Variants in LRMDA observed in about 807,000 individuals in gnomAD.
LRMDA encodes leucine rich melanocyte differentiation associated.
A neutral mutation model predicts 29.8 loss-of-function variants in LRMDA; 18 were observed. That is an observed-to-expected ratio of 0.60 (90% confidence interval 0.42 to 0.90). The LOEUF (loss-of-function observed/expected upper bound fraction) is 0.90. LRMDA is among the 40% of genes least tolerant of loss of function. The pLI is 0.00. For synonymous variants in LRMDA, 125 were observed against 109.4 expected, an observed-to-expected ratio of 1.14 and a Z score of -0.89; for missense variants, 273 against 273.9, an observed-to-expected ratio of 1.00 and a Z score of 0.02.
At chr10:75,737,486 T>C (rs1842780089) in intron 2 of LRMDA, among the ~76,000 whole-genome samples, 1 of 152,202 alleles carries the variant, frequency 6.6e-6, no homozygotes, top group African/African-American at 2.4e-5. Context: ...TGCAGTACCA[T>C]CATCTGGGTT....
chr10:76,160,419 T>C (rs1850624257), intron 5 of LRMDA, among the ~76,000 whole-genome samples: 1 of 152,038 alleles, frequency 6.6e-6, no homozygotes, highest in African/African-American at 2.4e-5. Context: ...TTTTTAGGTA[T>C]GACAATTGTG....
At chr10:75,853,844 A>G (rs1246378335) in intron 2 of LRMDA, among the ~76,000 whole-genome samples, 3 of 152,018 alleles carry the variant, frequency 2.0e-5, no homozygotes, top group Middle Eastern at 3.4e-3. Context: ...GGCCTCCCCA[A>G]CTCTTATTAG....
At chr10:76,172,251 G>A (rs1850852924) in intron 5 of LRMDA, among the ~76,000 whole-genome samples, 1 of 152,126 alleles carries the variant, frequency 6.6e-6, no homozygotes, top group Non-Finnish European at 1.5e-5. Context: ...TTCAACATGA[G>A]TTTTGTCAGG....
intron 3 of LRMDA, among the ~76,000 whole-genome samples, chr10:76,043,718 C>G (rs745603498): frequency 6.6e-6 from 1 of 152,076 alleles, no homozygotes; most frequent in South Asian, 2.1e-4. Context: ...CCTACTTCCC[C>G]GAACATGGTG....
intron 2 of LRMDA, among the ~76,000 whole-genome samples, chr10:75,475,358 G>A (rs192793330): frequency 1.6e-4 from 24 of 152,002 alleles, no homozygotes; most frequent in Admixed American, 5.9e-4. Flanking sequence ...GAGGACCCAG[G>A]AGCCTGGGTG....
At position 76,527,933 on chromosome 10, in the gene LRMDA, C is replaced by G. The variant is rs186927666; in HGVS notation, c.602-29276C>G. On this transcript the variant is annotated intron_variant, in intron 6 of 6. Coordinates refer to ENST00000611255, the MANE Select transcript of LRMDA (RefSeq NM_001305581.2). ...TGGAGATACAAAAATGCATAAAACA[C>G]AGTGAGAAACATGTGGTAATGAACA... Among the ~76,000 whole-genome samples the G allele has an allele frequency of 7.8e-4, 119 of 152,182 alleles. 2 individuals carry two copies. In the East Asian group the frequency reaches 0.02, roughly 26 times the overall value.
chr10:75,636,783 G>A (rs1032714528), intron 2 of LRMDA, among the ~76,000 whole-genome samples: 4 of 152,012 alleles, frequency 2.6e-5, no homozygotes, highest in African/African-American at 7.2e-5. Context: ...TTCACCCTCT[G>A]TGGAGTCCAC....
Position 76,444,761 on chromosome 10 carries a change from C to G in LRMDA, c.602-112448C>G, listed in dbSNP as rs560060570. ...GGCCAAACTCTCTAAAATGCTTAGG[C>G]CAGGAAGAAGGACAATGGGGAAAAA... On this transcript the variant is annotated intron_variant, in intron 6 of 6. Coordinates refer to ENST00000611255, the MANE Select transcript of LRMDA (RefSeq NM_001305581.2). Among the ~76,000 whole-genome samples, 452 of 151,888 alleles carry G rather than the reference C, an allele frequency of 3.0e-3. 2 individuals are homozygous for G. The highest frequency in any genetic ancestry group is 0.01 in the African/African-American group (425 of 41,404).
chr10:76,362,555 T>A (rs1841324889), intron 6 of LRMDA, among the ~76,000 whole-genome samples: 4 of 152,326 alleles, frequency 2.6e-5, no homozygotes, highest in East Asian at 1.9e-4. Flanking sequence ...TAGTAATCTT[T>A]TTTATTTATT....
At chr10:76,410,095 G>A (rs1841942258) in intron 6 of LRMDA, among the ~76,000 whole-genome samples, 1 of 152,098 alleles carries the variant, frequency 6.6e-6, no homozygotes, top group South Asian at 2.1e-4. Flanking sequence ...GGGCCAGAGG[G>A]CAGAGGCATG....
intron 5 of LRMDA, among the ~76,000 whole-genome samples, chr10:76,292,484 G>A (rs915710313): frequency 6.6e-6 from 1 of 152,150 alleles, no homozygotes; most frequent in Admixed American, 6.5e-5. Context: ...TTGTTGCCTT[G>A]AATGGGCAAT....
At chr10:75,713,470 AG>A (rs1443190036) in intron 2 of LRMDA, among the ~76,000 whole-genome samples, 2 of 152,372 alleles carry the variant, frequency 1.3e-5, no homozygotes, top group East Asian at 3.9e-4. Context: ...ACATGGGTAA[AG>A]AATGCAATTT....
At chr10:75,857,095 G>A (rs1254170888) in intron 2 of LRMDA, among the ~76,000 whole-genome samples, 1 of 152,184 alleles carries the variant, frequency 6.6e-6, no homozygotes, top group Non-Finnish European at 1.5e-5. Context: ...TGGCAAGTTA[G>A]CTTCTCTGAG....
intron 3 of LRMDA, 22 bp downstream of exon 3, chr10:76,036,156 G>GC: frequency 6.2e-7 from 1 of 1,604,600 alleles, no homozygotes; most frequent in Non-Finnish European, 8.5e-7. Flanking sequence ...TCTGCCCGCT[G>GC]CCCCCACTCC....
intron 2 of LRMDA, among the ~76,000 whole-genome samples, chr10:75,512,693 G>A (rs139158199): frequency 6.6e-5 from 10 of 152,224 alleles, no homozygotes; most frequent in African/African-American, 7.2e-5. Context: ...GAGCAGCAGC[G>A]GCTGCGGTGG....
chr10:75,962,492 A>T (rs1846785757), intron 2 of LRMDA, among the ~76,000 whole-genome samples: 3 of 152,126 alleles, frequency 2.0e-5, no homozygotes, highest in Admixed American at 2.0e-4. Context: ...GAAGTTTGAG[A>T]CCTACTGGAC....
chr10:75,831,005 T>C (rs1844332148), intron 2 of LRMDA, among the ~76,000 whole-genome samples: 1 of 152,004 alleles, frequency 6.6e-6, no homozygotes. Flanking sequence ...AGAAAGGGGC[T>C]ATTGGCCCCA....
intron 2 of LRMDA, among the ~76,000 whole-genome samples, chr10:75,698,539 A>G (rs1284044728): frequency 6.6e-6 from 1 of 152,146 alleles, no homozygotes; most frequent in Non-Finnish European, 1.5e-5. Flanking sequence ...TAGCACATAA[A>G]CAGGTGGCAC....
At chr10:75,607,833 T>G (rs1589202275) in intron 2 of LRMDA, among the ~76,000 whole-genome samples, 1 of 148,398 alleles carries the variant, frequency 6.7e-6, no homozygotes, top group East Asian at 2.0e-4. Flanking sequence ...GGTTTTTTTT[T>G]TTTTTTTTTT....
Sources: allele counts gnomAD v4.1 joint callset (sites outside exome capture counted in the v4.1 genomes callset), GRCh38; gene constraint gnomAD v4.1.1; transcripts MANE v1.5; gene names NCBI Gene and HGNC (gene_info 2026-07-23, HGNC 2026-07-21).